The following VWA3B variants were observed in gnomAD, a reference collection of about 807,000 sequenced individuals.
VWA3B encodes the protein von Willebrand factor A domain containing 3B, also known as von Willebrand factor A domain-containing protein 3B.
Under a neutral mutation model 158.3 loss-of-function variants are expected in VWA3B, and 138 were observed. The ratio of observed to expected loss-of-function variants is 0.87; its 90% CI spans 0.76 to 1.00. The LOEUF is 1.00. VWA3B is among the 50% of genes least tolerant of loss of function. The probability of loss-of-function intolerance (pLI) is 0.00; values close to 1 mark genes in which losing one functional copy is unlikely to be tolerated. For synonymous variants in VWA3B, 596 were observed against 587.3 expected, an observed-to-expected ratio of 1.01 and a Z score of -0.21; for missense variants, 1,555 against 1,565.1, an observed-to-expected ratio of 0.99 and a Z score of 0.11.
At chr2:98,288,368 C>T (rs1428549350) in intron 22 of VWA3B, among the ~76,000 whole-genome samples, 1 of 152,198 alleles carries the variant, frequency 6.6e-6, no homozygotes, top group Non-Finnish European at 1.5e-5. Context: ...GAAGGCTGTG[C>T]TATTCACAGC....
intron 26 of VWA3B, among the ~76,000 whole-genome samples, chr2:98,307,588 G>A (rs948467691): frequency 6.6e-5 from 10 of 152,200 alleles, no homozygotes; most frequent in East Asian, 1.9e-4. Flanking sequence ...TCTTTATTAC[G>A]GTTAGCAGAT....
chr2:98,314,425 C>T (rs1691045280), downstream of VWA3B, among the ~76,000 whole-genome samples: 1 of 152,184 alleles, frequency 6.6e-6, no homozygotes, highest in African/African-American at 2.4e-5. Context: ...TTTCCTTCAA[C>T]CAAAGTGGAA....
At chr2:98,221,887 A>G (rs547977868) in intron 14 of VWA3B, among the ~76,000 whole-genome samples, 1 of 152,240 alleles carries the variant, frequency 6.6e-6, no homozygotes, top group Non-Finnish European at 1.5e-5. Context: ...TCCTCATGTC[A>G]GCAGGACTCA....
chr2:98,251,811 C>T (rs1038622771), intron 20 of VWA3B, among the ~76,000 whole-genome samples: 1 of 152,174 alleles, frequency 6.6e-6, no homozygotes, highest in African/African-American at 2.4e-5. Context: ...CTCTCCAAAC[C>T]CCCTTTAACG....
At position 98,115,614 on chromosome 2, in the gene VWA3B, T is replaced by G. The variant is rs768291204; in HGVS notation, c.197-38T>G. 13 of 1,510,110 alleles carry G rather than the reference T, an allele frequency of 8.6e-6. No individual in the cohort carries two copies. In the East Asian group the frequency reaches 2.0e-4, roughly 24 times the overall value. The allele number at this position is 1,510,110 out of a possible 1,614,324, so 93.5% of individuals were successfully genotyped here. ...ATAAAAATAGGAAGGTTCACTCATG[T>G]ACTACTGTTTTGATTGTTTTTCTTT... On this transcript the variant is annotated intron_variant, in intron 2 of 27. Coordinates refer to ENST00000477737, the MANE Select transcript of VWA3B (RefSeq NM_144992.5).
intron 9 of VWA3B, among the ~76,000 whole-genome samples, chr2:98,185,272 C>G (rs573528570): frequency 3.7e-4 from 57 of 152,274 alleles, no homozygotes; most frequent in African/African-American, 1.3e-3. Context: ...TTTCTACCAC[C>G]TCCTCTCTGT....
rs1689428670 is a variant in VWA3B at position 98,290,562 on chromosome 2, G to C, written c.3097G>C (p.Asp1033His). 6.3e-7 allele frequency: 1 copy of C among 1,590,126 alleles called. No homozygotes were observed. Among genetic ancestry groups the C allele is most frequent in the Non-Finnish European group, 8.5e-7 (1 of 1,173,544 alleles). Residue 1033 changes from aspartate (D) to histidine (H), a missense_variant, in exon 23 of 28, where the codon GAT becomes CAT. By Grantham distance (81) the Asp-to-His change is moderately conservative (BLOSUM62 -1). Coordinates refer to ENST00000477737, the MANE Select transcript of VWA3B (RefSeq NM_144992.5). The stretch of plus-strand genomic sequence containing the variant: ...AAAGAAAACCAAATCAAAAAGACCA[G>C]ATCCCCTCAAAGGACAGAAGGTTAT... ...PTKKTKSKRP[D>H]PLKGQKVIAR...
chr2:98,285,405 C>T (rs1049497728), intron 22 of VWA3B, among the ~76,000 whole-genome samples: 1 of 151,922 alleles, frequency 6.6e-6, no homozygotes, highest in Non-Finnish European at 1.5e-5. Flanking sequence ...TCCTCATATA[C>T]AGGTCTTTTT....
chr2:98,142,124 A>T (rs1450310455), intron 7 of VWA3B, among the ~76,000 whole-genome samples: 2 of 152,118 alleles, frequency 1.3e-5, no homozygotes, highest in African/African-American at 4.8e-5. Context: ...ATGCATCAGG[A>T]GGTGGGGTCT....
At chr2:98,236,835 C>G (rs1685726724) in intron 19 of VWA3B, 105 bp downstream of exon 19, 1 of 1,434,100 alleles carries the variant, frequency 7.0e-7, no homozygotes, top group Non-Finnish European at 9.4e-7. Context: ...TGTATTTTAG[C>G]CACTGGGGGA....
intron 10 of VWA3B, among the ~76,000 whole-genome samples, chr2:98,188,476 GCTAACCAACCTCC>G (rs766142038): frequency 4.5e-4 from 68 of 151,936 alleles, no homozygotes; most frequent in Non-Finnish European, 9.0e-4. Flanking sequence ...TTTTGTATTC[GCTAACCAACCTCC>G]CTATCCTCTC....
chr2:98,222,657 A>G lies in VWA3B; in HGVS notation c.2019+4629A>G, dbSNP rs189449761. Reference sequence around the variant, plus strand: ...AGGACAGCAGGGGAGGTACCAAGAGACACCTGGAAGCCTGACGGAGGGAAA... The same window carrying G: ...AGGACAGCAGGGGAGGTACCAAGAGGCACCTGGAAGCCTGACGGAGGGAAA... On this transcript the variant is annotated intron_variant, in intron 14 of 27. Coordinates refer to ENST00000477737, the MANE Select transcript of VWA3B (RefSeq NM_144992.5). 2.0e-5 allele frequency among the ~76,000 whole-genome samples: 3 copies of G among 152,282 alleles called. No individual in the cohort carries two copies. The East Asian group carries it at 5.8e-4, about 29-fold the overall frequency.
intron 2 of VWA3B, among the ~76,000 whole-genome samples, chr2:98,104,528 G>C (rs551269118): frequency 6.6e-6 from 1 of 152,248 alleles, no homozygotes; most frequent in African/African-American, 2.4e-5. Flanking sequence ...GGGATCTGTC[G>C]CCGTGATCCA....
At chr2:98,138,262 C>A (rs933754337) in intron 7 of VWA3B, among the ~76,000 whole-genome samples, 2 of 152,212 alleles carry the variant, frequency 1.3e-5, no homozygotes, top group Non-Finnish European at 2.9e-5. Context: ...CTTCCGTGGC[C>A]AGTGTCTCCC....
chr2:98,267,260 T>C (rs1687903479), intron 21 of VWA3B, among the ~76,000 whole-genome samples: 1 of 151,716 alleles, frequency 6.6e-6, no homozygotes, highest in Admixed American at 6.6e-5. Flanking sequence ...GCATGAAGGG[T>C]TGTTGAATTT....
chr2:98,101,676 G>A (rs1683081788), intron 2 of VWA3B, among the ~76,000 whole-genome samples: 2 of 152,142 alleles, frequency 1.3e-5, no homozygotes, highest in Non-Finnish European at 2.9e-5. Flanking sequence ...TTGTTCTTCA[G>A]GGCTCAGCCT....
intron 7 of VWA3B, among the ~76,000 whole-genome samples, chr2:98,141,061 A>G (rs149634407): frequency 6.6e-6 from 1 of 152,006 alleles, no homozygotes; most frequent in Non-Finnish European, 1.5e-5. Flanking sequence ...CAGTCCTCCT[A>G]CCCAACTTCC....
At chr2:98,200,406 G>A (rs1303779053) in intron 12 of VWA3B, among the ~76,000 whole-genome samples, 1 of 152,080 alleles carries the variant, frequency 6.6e-6, no homozygotes, top group African/African-American at 2.4e-5. Context: ...GCCAGGCGTG[G>A]TGGCAGGTGC....
In VWA3B at chr2:98,290,634, T is replaced by TC; in HGVS notation, c.3157+12_3157+13insC. Reference sequence around the variant, plus strand: ...CTTTTATTTTCCAGGTAGTTTTTTTTTTTTTAATTTCGTGAGGCTTTTGTT... The same window carrying TC: ...CTTTTATTTTCCAGGTAGTTTTTTTTCTTTTTAATTTCGTGAGGCTTTTGTT... On this transcript the variant is annotated intron_variant, in intron 23 of 27. Transcript: ENST00000477737. 1 of 1,564,522 alleles carries TC rather than the reference T, an allele frequency of 6.4e-7. No homozygotes were observed.
Sources: gnomAD v4.1 joint callset for allele counts (sites outside exome capture counted in the v4.1 genomes callset) on GRCh38, gnomAD v4.1.1 for gene constraint, MANE v1.5 for transcripts, NCBI Gene and HGNC (gene_info 2026-07-23, HGNC 2026-07-21) for gene names.